The following DPP10 variants were observed in gnomAD, a reference collection of about 807,000 sequenced individuals.
DPP10 encodes inactive dipeptidyl peptidase 10.
In DPP10, 33 loss-of-function variants were observed where a neutral mutation model predicts 120.9. The ratio of observed to expected loss-of-function variants is 0.27; its 90% CI spans 0.21 to 0.37. The LOEUF is 0.37. DPP10 is among the 10% of genes least tolerant of loss of function. The probability of loss-of-function intolerance (pLI) is 1.00; values close to 1 mark genes in which losing one functional copy is unlikely to be tolerated. For synonymous variants in DPP10, 337 were observed against 326.1 expected, an observed-to-expected ratio of 1.03 and a Z score of -0.36; for missense variants, 816 against 942.8, an observed-to-expected ratio of 0.87 and a Z score of 1.76.
At chr2:115,817,674 T>G (rs977001146) in intron 21 of DPP10, among the ~76,000 whole-genome samples, 11 of 106,486 alleles carry the variant, frequency 1.0e-4, no homozygotes, top group African/African-American at 2.8e-4. Flanking sequence ...AAAGGTTAGT[T>G]TTTTGTTTTT....
intron 1 of DPP10, among the ~76,000 whole-genome samples, chr2:114,661,850 A>G (rs1349011442): frequency 6.6e-6 from 1 of 152,060 alleles, no homozygotes; most frequent in Non-Finnish European, 1.5e-5. Context: ...CATCATGAAA[A>G]CGTCTTCTCC....
At chr2:114,495,880 G>A (rs541437670) in intron 1 of DPP10, among the ~76,000 whole-genome samples, 14 of 152,232 alleles carry the variant, frequency 9.2e-5, no homozygotes, top group Middle Eastern at 3.4e-3. Flanking sequence ...TGAATATATA[G>A]ATAGACATTA....
At chr2:114,480,029 C>G (rs1380491438) in intron 1 of DPP10, among the ~76,000 whole-genome samples, 1 of 152,046 alleles carries the variant, frequency 6.6e-6, no homozygotes, top group African/African-American at 2.4e-5. Flanking sequence ...AAAAAAACAA[C>G]TCCATCAAAA....
At chr2:114,831,790 C>T (rs1687146174) in intron 1 of DPP10, among the ~76,000 whole-genome samples, 1 of 150,494 alleles carries the variant, frequency 6.6e-6, no homozygotes, top group Non-Finnish European at 1.5e-5. Flanking sequence ...AAAAGAAAGA[C>T]TAAAAAAGAC....
chr2:114,446,799 CT>C (rs1677967766), intron 1 of DPP10, among the ~76,000 whole-genome samples: 1 of 152,090 alleles, frequency 6.6e-6, no homozygotes, highest in South Asian at 2.1e-4. Flanking sequence ...ACTTTTCCCC[CT>C]TGCTACTTCT....
At position 115,815,755 on chromosome 2, in the gene DPP10, T is replaced by A. The variant is rs775434434; in HGVS notation, c.1950+26T>A. On this transcript the variant is annotated intron_variant, in intron 21 of 25. Coordinates refer to ENST00000410059, the MANE Select transcript of DPP10 (RefSeq NM_020868.6). ...GTAAATAGTAGAAATGCTGAATCTATCTTTTTATGCGTATCTATGTTATGT... is the reference window on the plus strand; with the variant it reads ...GTAAATAGTAGAAATGCTGAATCTAACTTTTTATGCGTATCTATGTTATGT... 4 of 1,575,412 alleles carry A rather than the reference T, an allele frequency of 2.5e-6. No individual in the cohort carries two copies. The East Asian group carries it at 9.0e-5, about 36-fold the overall frequency.
intron 5 of DPP10, among the ~76,000 whole-genome samples, chr2:115,647,621 C>G (rs1357342068): frequency 6.6e-6 from 1 of 152,004 alleles, no homozygotes; most frequent in Non-Finnish European, 1.5e-5. Context: ...AACAAAATAC[C>G]TGATACTGGG....
intron 12 of DPP10, among the ~76,000 whole-genome samples, chr2:115,765,431 C>T (rs2149800683): frequency 6.6e-6 from 1 of 152,182 alleles, no homozygotes; most frequent in Admixed American, 6.6e-5. Context: ...TTGGGACCTA[C>T]TGTGTCTTAG....
chr2:115,220,666 T>C (rs17044192), intron 1 of DPP10, among the ~76,000 whole-genome samples: 10,457 of 152,266 alleles, frequency 0.069, 384 homozygotes, highest in Middle Eastern at 0.11. Flanking sequence ...GACATGTCAC[T>C]TACACTTTGG....
At chr2:114,560,079 C>T (rs763527458) in intron 1 of DPP10, among the ~76,000 whole-genome samples, 1 of 152,076 alleles carries the variant, frequency 6.6e-6, no homozygotes, top group Non-Finnish European at 1.5e-5. Context: ...ATTCTATCAT[C>T]ATGGTTTTTA....
chr2:114,885,745 T>C (rs1421268760), intron 1 of DPP10, among the ~76,000 whole-genome samples: 1 of 152,176 alleles, frequency 6.6e-6, no homozygotes, highest in Admixed American at 6.5e-5. Flanking sequence ...GTTCAGGAAA[T>C]ATATTCATGC....
intron 1 of DPP10, among the ~76,000 whole-genome samples, chr2:114,673,141 A>G (rs1698454226): frequency 6.6e-6 from 1 of 152,162 alleles, no homozygotes; most frequent in Non-Finnish European, 1.5e-5. Context: ...TTTGCTTGAC[A>G]TATTACAAAT....
At chr2:115,780,286 C>T (rs1436144060) in intron 15 of DPP10, among the ~76,000 whole-genome samples, 1 of 151,824 alleles carries the variant, frequency 6.6e-6, no homozygotes, top group Non-Finnish European at 1.5e-5. Flanking sequence ...CTCATTATGT[C>T]AAAGTGTGTA....
chr2:115,649,385 G>A (rs1054115208), intron 5 of DPP10, among the ~76,000 whole-genome samples: 3 of 152,008 alleles, frequency 2.0e-5, no homozygotes, highest in Non-Finnish European at 2.9e-5. Context: ...CATTAAACTC[G>A]TGAAATATAT....
At chr2:114,715,482 T>C (rs1391953047) in intron 1 of DPP10, among the ~76,000 whole-genome samples, 1 of 152,080 alleles carries the variant, frequency 6.6e-6, no homozygotes, top group Non-Finnish European at 1.5e-5. Context: ...GAATGTCTCA[T>C]AAAAGACAAA....
chr2:114,879,428 C>T lies in DPP10; in HGVS notation c.61-429811C>T, dbSNP rs961541435. On this transcript the variant is annotated intron_variant, in intron 1 of 25. Transcript: ENST00000410059. ...CCTATTGGACCAATTTATCTCAACT[C>T]TTTTAAAACTTTCACTTAGTAGTCT... Among the ~76,000 whole-genome samples the T allele has an allele frequency of 2.6e-5, 4 of 152,208 alleles. No homozygotes were observed. The East Asian group carries it at 7.7e-4, about 29-fold the overall frequency.
At chr2:114,584,029 A>T (rs1036774283) in intron 1 of DPP10, among the ~76,000 whole-genome samples, 1 of 152,182 alleles carries the variant, frequency 6.6e-6, no homozygotes, top group Non-Finnish European at 1.5e-5. Flanking sequence ...ATATTTTTTT[A>T]AAAAAGAACA....
chr2:115,740,513 AG>A (rs1233407069), intron 9 of DPP10, among the ~76,000 whole-genome samples: 1 of 152,172 alleles, frequency 6.6e-6, no homozygotes, highest in Non-Finnish European at 1.5e-5. Context: ...TATCAATATC[AG>A]CATTACCTTG....
intron 10 of DPP10, 29 bp downstream of exon 10, chr2:115,746,212 G>A: frequency 1.3e-6 from 2 of 1,527,510 alleles, no homozygotes; most frequent in Non-Finnish European, 1.8e-6. Flanking sequence ...ACTTTTATGG[G>A]GAAATAGATA....
Sources: allele counts gnomAD v4.1 joint callset (sites outside exome capture counted in the v4.1 genomes callset), GRCh38; gene constraint gnomAD v4.1.1; transcripts MANE v1.5; gene names NCBI Gene and HGNC (gene_info 2026-07-23, HGNC 2026-07-21).